MAP2: variants seen among roughly 807,000 people sequenced by gnomAD.
The protein encoded by MAP2 is microtubule-associated protein 2.
A neutral mutation model predicts 137.6 loss-of-function variants in MAP2; 14 were observed. The ratio of observed to expected loss-of-function variants is 0.10; its 90% confidence interval spans 0.07 to 0.16. The LOEUF is 0.16. Among genes scored for constraint, MAP2 ranks in the 10% least tolerant of loss-of-function variants. The pLI is 1.00. For missense variants in MAP2, 2,088 were observed against 2,191.5 expected, an observed-to-expected ratio of 0.95 and a Z score of 0.94; for synonymous variants, 786 against 782.3, an observed-to-expected ratio of 1.00 and a Z score of -0.08.
chr2:209,691,144 C>T (rs1366169704), intron 7 of MAP2, among the ~76,000 whole-genome samples: 1 of 151,462 alleles, frequency 6.6e-6, no homozygotes, highest in East Asian at 1.9e-4. Flanking sequence ...TTTACCCGCC[C>T]CCCCTCATCT....
chr2:209,500,371 C>T (rs1035489573), intron 1 of MAP2, among the ~76,000 whole-genome samples: 11 of 152,234 alleles, frequency 7.2e-5, no homozygotes, highest in Middle Eastern at 3.4e-3. Context: ...TCCAAACACC[C>T]CCTGGGCTTT....
chr2:209,493,971 GACACATGC>G (rs1361528832), intron 1 of MAP2, among the ~76,000 whole-genome samples: 3 of 152,092 alleles, frequency 2.0e-5, no homozygotes, highest in Non-Finnish European at 4.4e-5. Flanking sequence ...CTACCATAAA[GACACATGC>G]ACTTGTATGT....
intron 1 of MAP2, among the ~76,000 whole-genome samples, chr2:209,430,932 A>G (rs1396353798): frequency 7.3e-6 from 1 of 137,090 alleles, no homozygotes. Flanking sequence ...TGTATCTCAG[A>G]CTAAAGTTTT....
chr2:209,437,671 A>G lies in MAP2; in HGVS notation c.-222+13395A>G, dbSNP rs1332259249. Among the ~76,000 whole-genome samples the G allele has an allele frequency of 2.6e-5, 4 of 151,628 alleles. No individual in the cohort carries two copies. The Admixed American group carries it at 2.6e-4, about 10-fold the overall frequency. Reference sequence around the variant, plus strand: ...TGTGACCATTAGCCTGAAAACAAAAACTTACTAATTAGCTGTGACTTGATA... The same window carrying G: ...TGTGACCATTAGCCTGAAAACAAAAGCTTACTAATTAGCTGTGACTTGATA... On this transcript the variant is annotated intron_variant, in intron 1 of 15. Coordinates refer to ENST00000682079, the MANE Select transcript of MAP2 (RefSeq NM_001375505.1).
At chr2:209,676,645 A>G (rs2051655403) in intron 5 of MAP2, among the ~76,000 whole-genome samples, 1 of 148,748 alleles carries the variant, frequency 6.7e-6, no homozygotes, top group Non-Finnish European at 1.5e-5. Flanking sequence ...GATGTACTAA[A>G]TGCCATAGGA....
chr2:209,439,169 AT>A (rs1266272584), intron 1 of MAP2, among the ~76,000 whole-genome samples: 1 of 151,508 alleles, frequency 6.6e-6, no homozygotes, highest in Non-Finnish European at 1.5e-5. Flanking sequence ...GGGGTATCAT[AT>A]GGTGATTGCT....
At chr2:209,559,479 C>CAAA (rs59788211) in intron 2 of MAP2, among the ~76,000 whole-genome samples, 46 of 37,534 alleles carry the variant, frequency 1.2e-3, no homozygotes, top group Non-Finnish European at 2.1e-3. Flanking sequence ...GCCAAAAATA[C>CAAA]AAAAAAAAAA....
At chr2:209,597,624 C>T (rs1180053724) in intron 3 of MAP2, among the ~76,000 whole-genome samples, 1 of 152,222 alleles carries the variant, frequency 6.6e-6, no homozygotes, top group Admixed American at 6.5e-5. Context: ...CTTCCCATAG[C>T]ATTCACCCTA....
At chr2:209,574,137 T>G (rs992954624) in intron 2 of MAP2, among the ~76,000 whole-genome samples, 1 of 152,184 alleles carries the variant, frequency 6.6e-6, no homozygotes, top group African/African-American at 2.4e-5. Context: ...ACATTCGATC[T>G]CTAGACTTGC....
intron 14 of MAP2, among the ~76,000 whole-genome samples, chr2:209,726,031 A>G (rs1159303457): frequency 6.6e-6 from 1 of 152,204 alleles, no homozygotes; most frequent in Non-Finnish European, 1.5e-5. Context: ...CATAAGACGC[A>G]TTTATCTTTA....
intron 1 of MAP2, among the ~76,000 whole-genome samples, chr2:209,429,883 A>G (rs1190622539): frequency 4.6e-5 from 7 of 152,236 alleles, no homozygotes; most frequent in East Asian, 1.9e-4. Flanking sequence ...GTGTTCATCA[A>G]TTTTAAAATG....
At chr2:209,482,274 A>G (rs761938278) in intron 1 of MAP2, among the ~76,000 whole-genome samples, 1 of 152,218 alleles carries the variant, frequency 6.6e-6, no homozygotes, top group Non-Finnish European at 1.5e-5. Flanking sequence ...ACATTACACA[A>G]TATAGACATG....
intron 1 of MAP2, among the ~76,000 whole-genome samples, chr2:209,490,960 T>C (rs1487474491): frequency 6.6e-6 from 1 of 152,084 alleles, no homozygotes; most frequent in Non-Finnish European, 1.5e-5. Flanking sequence ...CCAATATACA[T>C]CTATAGAACT....
At chr2:209,705,763 C>G (rs1047944512) in intron 12 of MAP2, 36 bp downstream of exon 12, 11 of 1,580,854 alleles carry the variant, frequency 7.0e-6, no homozygotes, top group Non-Finnish European at 8.6e-6. Flanking sequence ...TTTTTAAGCA[C>G]TTTTTAAATC....
At chr2:209,455,667 C>T (rs1464819093) in intron 1 of MAP2, among the ~76,000 whole-genome samples, 1 of 152,148 alleles carries the variant, frequency 6.6e-6, no homozygotes, top group African/African-American at 2.4e-5. Flanking sequence ...ATATGTAGAG[C>T]TGGATGACTC....
At chr2:209,434,837 ATATATATATATGT>A (rs1695309587) in intron 1 of MAP2, among the ~76,000 whole-genome samples, 3 of 102,612 alleles carry the variant, frequency 2.9e-5, no homozygotes, top group East Asian at 2.4e-4. Context: ...CTCTCTCTAT[ATATATATATATGT>A]TATATATATA....
intron 2 of MAP2, among the ~76,000 whole-genome samples, chr2:209,545,562 G>A (rs1310757106): frequency 6.6e-6 from 1 of 152,126 alleles, no homozygotes; most frequent in Non-Finnish European, 1.5e-5. Context: ...TAACCTGAAA[G>A]TTTGATTTCT....
intron 10 of MAP2, 113 bp downstream of exon 10, chr2:209,697,164 T>C: frequency 8.9e-7 from 1 of 1,123,618 alleles, no homozygotes; most frequent in South Asian, 1.7e-5. Flanking sequence ...ATCTCAGCAG[T>C]CATGAACAAT....
chr2:209,481,343 G>C (rs1708717844), intron 1 of MAP2, among the ~76,000 whole-genome samples: 1 of 152,170 alleles, frequency 6.6e-6, no homozygotes, highest in East Asian at 1.9e-4. Context: ...ACTGGATGTG[G>C]GCTACCCAGG....
Sources: allele counts gnomAD v4.1 joint callset (sites outside exome capture counted in the v4.1 genomes callset), GRCh38; gene constraint gnomAD v4.1.1; transcripts MANE v1.5; gene names NCBI Gene and HGNC (gene_info 2026-07-23, HGNC 2026-07-21).